The following LAMB1 variants were observed in gnomAD, a reference collection of about 807,000 sequenced individuals.
The protein encoded by LAMB1 is laminin subunit beta 1.
LAMB1 carries 121 observed loss-of-function variants against 222.3 expected under a neutral mutation model. The observed-to-expected ratio is 0.54, with a 90% CI of 0.47 to 0.63. The LOEUF is 0.63. LAMB1 is among the 30% of genes least tolerant of loss of function. The pLI is 0.00. For synonymous variants in LAMB1, 794 were observed against 807.2 expected (o/e 0.98, Z 0.28); for missense variants, 2,172 against 2,240.8 (o/e 0.97, Z 0.62).
At chr7:107,980,933 T>A in intron 7 of LAMB1, 122 bp from the exon 8 acceptor site, 1 of 620,056 alleles carries the variant, frequency 1.6e-6, no homozygotes, top group Non-Finnish European at 2.8e-6. Context: ...AAGTTCCTCC[T>A]CTTGTATGAT....
At chr7:107,929,667 GTTCA>G (rs1325490426) in intron 29 of LAMB1, 48 bp from the exon 30 acceptor site, 1 of 1,491,456 alleles carries the variant, frequency 6.7e-7, no homozygotes, top group Admixed American at 1.7e-5. Context: ...AGAATAGATG[GTTCA>G]TTCATTCAAC....
intron 10 of LAMB1, 63 bp downstream of exon 10, chr7:107,975,626 C>G (rs2033837867): frequency 6.8e-7 from 1 of 1,469,386 alleles, no homozygotes; most frequent in South Asian, 1.3e-5. Flanking sequence ...AGACTACTGA[C>G]TATTCAGTTT....
Position 107,952,169 on chromosome 7 carries a change from C to A in LAMB1, c.3134G>T (p.Cys1045Phe). The A allele has an allele frequency of 6.2e-7, 1 of 1,613,494 alleles. No individual in the cohort carries two copies. Among genetic ancestry groups the A allele is most frequent in the Admixed American group, 1.7e-5 (1 of 59,982 alleles). Residue 1045 changes from cysteine (C) to phenylalanine (F), a missense_variant, in exon 23 of 34, where the codon TGC becomes TTC. Cys to Phe is a radical substitution (Grantham distance 205, BLOSUM62 -2). Coordinates refer to ENST00000222399, the MANE Select transcript of LAMB1 (RefSeq NM_002291.3). ...CTGACCAGTGGCTTTGTCGCACTGGCAGTCAGAGCCGTTACAGTGCTCTTG... is the reference window on the plus strand; with the variant it reads ...CTGACCAGTGGCTTTGTCGCACTGGAAGTCAGAGCCGTTACAGTGCTCTTG... ...TVQEHCNGSD[C>F]QCDKATGQCL...
At chr7:107,938,540 A>G (rs2032904299) in intron 25 of LAMB1, among the ~76,000 whole-genome samples, 1 of 152,180 alleles carries the variant, frequency 6.6e-6, no homozygotes, top group Admixed American at 6.5e-5. Flanking sequence ...TCCTGTGATT[A>G]TTACAATCTG....
intron 2 of LAMB1, 70 bp from the exon 3 acceptor site, chr7:108,001,803 GC>G: frequency 6.3e-7 from 1 of 1,581,070 alleles, no homozygotes; most frequent in East Asian, 2.3e-5. Flanking sequence ...AAACGAACAA[GC>G]GGGGGCGGGG....
At chr7:107,955,677 G>C (rs2150424616) in intron 20 of LAMB1, 47 bp from the exon 21 acceptor site, 1 of 1,538,272 alleles carries the variant, frequency 6.5e-7, no homozygotes, top group African/African-American at 1.4e-5. Flanking sequence ...ACAGTTCTAA[G>C]AAACCTGTTC....
chr7:107,956,703 T>G (rs1363644176), intron 20 of LAMB1, among the ~76,000 whole-genome samples: 1 of 152,220 alleles, frequency 6.6e-6, no homozygotes, highest in Non-Finnish European at 1.5e-5. Flanking sequence ...TCTAAAGCCA[T>G]GTGCTATAAC....
chr7:107,967,680 T>G (rs1388027453), intron 13 of LAMB1, among the ~76,000 whole-genome samples: 2 of 152,164 alleles, frequency 1.3e-5, no homozygotes, highest in Non-Finnish European at 2.9e-5. Flanking sequence ...TTTAGTCCAT[T>G]GTGAACTTTG....
chr7:107,977,455 C>T (rs563347023), intron 9 of LAMB1, among the ~76,000 whole-genome samples: 3 of 152,246 alleles, frequency 2.0e-5, no homozygotes, highest in South Asian at 4.1e-4. Flanking sequence ...AGCTACCCTG[C>T]CATATAGTTC....
chr7:107,961,610 G>A lies in LAMB1; in HGVS notation c.1924C>T (p.Arg642Ter). ...TCATCGGGGATGGTATTACCACATCGGCTGCTGGTTGGAATCCTTCCAGGT... is the reference window on the plus strand; with the variant it reads ...TCATCGGGGATGGTATTACCACATCAGCTGCTGGTTGGAATCCTTCCAGGT... ...QRPGRIPTSSRCGNTIPDDDN... is the reference protein window; with the variant it reads ...QRPGRIPTSS The change falls in exon 16 of 34, where the codon CGA (arginine) becomes TGA (stop). Residue 642 changes from arginine to a stop codon, truncating the protein, a stop_gained. Coordinates refer to ENST00000222399, the MANE Select transcript of LAMB1 (RefSeq NM_002291.3). LOFTEE classifies it high-confidence loss of function. The A allele has an allele frequency of 1.9e-6, 3 of 1,613,964 alleles. No individual in the cohort carries two copies. The highest frequency in any genetic ancestry group is 2.5e-6 in the Non-Finnish European group (3 of 1,179,924).
intron 25 of LAMB1, 51 bp from the exon 26 acceptor site, chr7:107,937,328 C>A: frequency 6.8e-7 from 1 of 1,462,050 alleles, no homozygotes; most frequent in Non-Finnish European, 9.5e-7. Flanking sequence ...CAAGGGAGAA[C>A]TTTCACGTTT....
chr7:107,958,505 A>G (rs994514136), intron 20 of LAMB1, among the ~76,000 whole-genome samples: 4 of 152,240 alleles, frequency 2.6e-5, no homozygotes, highest in Admixed American at 6.5e-5. Context: ...TTAAAAACAA[A>G]TATCTTCGAT....
chr7:107,932,514 G>C (rs2032738151), intron 27 of LAMB1, 137 bp from the exon 28 acceptor site: 3 of 735,914 alleles, frequency 4.1e-6, no homozygotes, highest in Non-Finnish European at 7.0e-6. Flanking sequence ...GTGTTTGGGA[G>C]ACAGAATGGA....
chr7:107,952,598 C>T (rs892237634), intron 22 of LAMB1, among the ~76,000 whole-genome samples: 4 of 152,134 alleles, frequency 2.6e-5, no homozygotes, highest in Admixed American at 2.0e-4. Context: ...AGAGAACAGC[C>T]GTAATAAACG....
intron 24 of LAMB1, chr7:107,950,967 CA>C (rs2033232746): frequency 2.8e-6 from 1 of 353,692 alleles, no homozygotes; most frequent in Non-Finnish European, 5.3e-6. Flanking sequence ...TGTGTGCTTA[CA>C]CACAGAAACA....
At chr7:107,948,343 C>A (rs2033172960) in intron 24 of LAMB1, among the ~76,000 whole-genome samples, 1 of 152,128 alleles carries the variant, frequency 6.6e-6, no homozygotes, top group Non-Finnish European at 1.5e-5. Context: ...GCCTTCACCC[C>A]AGATTTTAAC....
intron 8 of LAMB1, 132 bp from the exon 9 acceptor site, chr7:107,978,299 G>T: frequency 1.9e-6 from 2 of 1,043,680 alleles, no homozygotes; most frequent in Non-Finnish European, 2.8e-6. Flanking sequence ...GGGTTGTTTG[G>T]TTGTTTTTAT....
intron 2 of LAMB1, among the ~76,000 whole-genome samples, chr7:108,002,581 T>A (rs1290596076): frequency 6.6e-6 from 1 of 151,996 alleles, no homozygotes; most frequent in Non-Finnish European, 1.5e-5. Context: ...CGGCCGAGGG[T>A]GCAAAACCCT....
intron 2 of LAMB1, 143 bp from the exon 3 acceptor site, chr7:108,001,876 G>A (rs1315110746): frequency 2.7e-6 from 4 of 1,487,480 alleles, no homozygotes; most frequent in Admixed American, 2.2e-5. Context: ...AAAAGACAAT[G>A]GAGAGATGAG....
Sources: gnomAD v4.1 joint callset for allele counts (sites outside exome capture counted in the v4.1 genomes callset) on GRCh38, gnomAD v4.1.1 for gene constraint, MANE v1.5 for transcripts, NCBI Gene and HGNC (gene_info 2026-07-23, HGNC 2026-07-21) for gene names.